SPOCK3: variants seen among roughly 807,000 people sequenced by gnomAD.
SPOCK3 encodes testican-3.
A neutral mutation model predicts 56.6 loss-of-function variants in SPOCK3; 30 were observed. That is an observed-to-expected ratio of 0.53 (90% CI 0.40 to 0.72). SPOCK3 has a LOEUF of 0.72. Among genes scored for constraint, SPOCK3 ranks in the 30% least tolerant of loss-of-function variants. The pLI is 0.00. For missense variants in SPOCK3, 527 were observed against 530.0 expected (o/e 0.99, Z 0.06); for synonymous variants, 196 against 183.3 (o/e 1.07, Z -0.56).
At chr4:167,173,963 A>C (rs1046418385) in intron 2 of SPOCK3, among the ~76,000 whole-genome samples, 5 of 152,176 alleles carry the variant, frequency 3.3e-5, no homozygotes, top group African/African-American at 1.2e-4. Context: ...TTCCAGGCAG[A>C]GGAATAGCTA....
chr4:166,855,693 G>A (rs1364786091), intron 6 of SPOCK3, among the ~76,000 whole-genome samples: 1 of 152,132 alleles, frequency 6.6e-6, no homozygotes, highest in African/African-American at 2.4e-5. Context: ...TGCATCATGT[G>A]CCAGGAAAAT....
intron 10 of SPOCK3, 151 bp downstream of exon 10, chr4:166,737,316 G>C (rs2126353437): frequency 2.8e-6 from 2 of 714,564 alleles, no homozygotes; most frequent in Non-Finnish European, 4.3e-6. Context: ...CATGCTAGGA[G>C]TAAGTTTTTT....
intron 7 of SPOCK3, among the ~76,000 whole-genome samples, chr4:166,762,510 C>A (rs2168405): frequency 0.33 from 50,144 of 151,622 alleles, 8,446 homozygotes; most frequent in Admixed American, 0.42. Flanking sequence ...GGGTACAGCC[C>A]AACAGATGAA....
chr4:167,169,764 C>G (rs1730332289), intron 2 of SPOCK3, among the ~76,000 whole-genome samples: 1 of 151,976 alleles, frequency 6.6e-6, no homozygotes, highest in Admixed American at 6.6e-5. Flanking sequence ...GTGTCCCCAC[C>G]CAAATCTAAC....
chr4:167,093,670 C>T (rs990340484), intron 2 of SPOCK3, among the ~76,000 whole-genome samples: 1 of 152,188 alleles, frequency 6.6e-6, no homozygotes, highest in African/African-American at 2.4e-5. Context: ...ATATGTGCCA[C>T]ATTTTGTTTT....
At chr4:166,956,743 A>G (rs1743530433) in intron 4 of SPOCK3, among the ~76,000 whole-genome samples, 2 of 152,092 alleles carry the variant, frequency 1.3e-5, no homozygotes, top group Middle Eastern at 3.4e-3. Flanking sequence ...CTCATACCCA[A>G]CGCCCTCAAT....
intron 6 of SPOCK3, among the ~76,000 whole-genome samples, chr4:166,822,766 T>C (rs1745064463): frequency 1.3e-5 from 2 of 152,042 alleles, no homozygotes; most frequent in African/African-American, 4.8e-5. Flanking sequence ...TCTAGAAAAA[T>C]GTGAGTAAGT....
rs534897442 is a variant in SPOCK3 at position 167,049,009 on chromosome 4, T to C, written c.235+13483A>G. On this transcript the variant is annotated intron_variant, in intron 3 of 10. Transcript: ENST00000357545. The stretch of plus-strand genomic sequence containing the variant: ...TGAAAAATCACTTAGCTTTTTTTCA[T>C]ATGAAAGTTAAATCTTAAACCTATG... 5.9e-5 allele frequency among the ~76,000 whole-genome samples: 9 copies of C among 152,258 alleles called. No individual in the cohort carries two copies. In the South Asian group the frequency reaches 1.9e-3, roughly 32 times the overall value.
chr4:166,950,079 A>G (rs1014456223), intron 4 of SPOCK3, among the ~76,000 whole-genome samples: 5 of 151,150 alleles, frequency 3.3e-5, no homozygotes, highest in Non-Finnish European at 5.9e-5. Context: ...AAATTCACAC[A>G]TAACAATATT....
chr4:167,170,288 C>G (rs915589582), intron 2 of SPOCK3, among the ~76,000 whole-genome samples: 1 of 152,074 alleles, frequency 6.6e-6, no homozygotes, highest in Non-Finnish European at 1.5e-5. Flanking sequence ...TGAACTTTAT[C>G]TACTCTAAGA....
intron 6 of SPOCK3, among the ~76,000 whole-genome samples, chr4:166,818,307 C>A (rs1317676236): frequency 2.0e-5 from 3 of 151,852 alleles, no homozygotes; most frequent in Non-Finnish European, 4.4e-5. Flanking sequence ...CCTTTTAAAT[C>A]TCTCAATATA....
chr4:167,002,648 T>C (rs1230336699), intron 3 of SPOCK3, among the ~76,000 whole-genome samples: 1 of 152,188 alleles, frequency 6.6e-6, no homozygotes. Context: ...TTGTTCACTA[T>C]GCAAATGTAA....
intron 3 of SPOCK3, among the ~76,000 whole-genome samples, chr4:167,046,450 CTTTTTTTTTTTTT>C (rs67108499): frequency 7.4e-5 from 4 of 53,708 alleles, no homozygotes; most frequent in East Asian, 5.4e-4. Flanking sequence ...TTCTGATATT[CTTTTTTTTTTTTT>C]TTTTTTTTTT....
chr4:167,223,138 T>G (rs1482930814), intron 2 of SPOCK3, among the ~76,000 whole-genome samples: 4 of 117,930 alleles, frequency 3.4e-5, no homozygotes, highest in Admixed American at 1.9e-4. Context: ...TGAATATATA[T>G]TTTATATATG....
chr4:167,036,220 C>T lies in SPOCK3; in HGVS notation c.235+26272G>A, dbSNP rs1023864189. Among the ~76,000 whole-genome samples the T allele has an allele frequency of 5.9e-5, 9 of 152,236 alleles. No homozygotes were observed. The South Asian group carries it at 8.3e-4, about 14-fold the overall frequency. ...AGCTCTGTTTGGTATGCTTTTGCGA[C>T]GTGCCAAAATGTATTTCCCTGGATA... On this transcript the variant is annotated intron_variant, in intron 3 of 10. Coordinates refer to ENST00000357545, the MANE Select transcript of SPOCK3 (RefSeq NM_001040159.2).
At chr4:166,804,437 A>C (rs1227857783) in intron 6 of SPOCK3, among the ~76,000 whole-genome samples, 1 of 152,072 alleles carries the variant, frequency 6.6e-6, no homozygotes, top group African/African-American at 2.4e-5. Flanking sequence ...ATTCTGAGGT[A>C]GAAGAGGTTA....
chr4:166,919,972 A>T (rs2149974311), intron 4 of SPOCK3, among the ~76,000 whole-genome samples: 1 of 152,314 alleles, frequency 6.6e-6, no homozygotes, highest in South Asian at 2.1e-4. Flanking sequence ...GCCTTATGTG[A>T]CAGACACATA....
At chr4:166,775,241 G>A (rs2126590731) in intron 7 of SPOCK3, among the ~76,000 whole-genome samples, 1 of 152,242 alleles carries the variant, frequency 6.6e-6, no homozygotes, top group Non-Finnish European at 1.5e-5. Flanking sequence ...AAAGTGGCAG[G>A]TGACGGGGTC....
At chr4:166,950,251 C>T (rs972254405) in intron 4 of SPOCK3, among the ~76,000 whole-genome samples, 1 of 151,516 alleles carries the variant, frequency 6.6e-6, no homozygotes, top group African/African-American at 2.4e-5. Context: ...ATCTACCAAG[C>T]AAATGGAAAA....
Sources: allele counts gnomAD v4.1 joint callset (sites outside exome capture counted in the v4.1 genomes callset), GRCh38; gene constraint gnomAD v4.1.1; transcripts MANE v1.5; gene names NCBI Gene and HGNC (gene_info 2026-07-23, HGNC 2026-07-21).